The following TRAPPC9 variants were observed in gnomAD, a reference collection of about 807,000 sequenced individuals.
The protein encoded by TRAPPC9 is IKK2 binding protein.
Under a neutral mutation model 124.0 loss-of-function variants are expected in TRAPPC9, and 83 were observed. That is an observed-to-expected ratio of 0.67 (90% CI 0.56 to 0.80). The LOEUF is 0.80. TRAPPC9 is among the 30% of genes least tolerant of loss of function. The pLI, the probability that TRAPPC9 is intolerant of heterozygous loss-of-function variation, is 0.00. For synonymous variants in TRAPPC9, 638 were observed against 617.5 expected (o/e 1.03, Z -0.49); for missense variants, 1,302 against 1,508.3 (o/e 0.86, Z 2.27).
intron 17 of TRAPPC9, among the ~76,000 whole-genome samples, chr8:140,031,016 G>C (rs1840463054): frequency 6.6e-6 from 1 of 152,194 alleles, no homozygotes; most frequent in Non-Finnish European, 1.5e-5. Flanking sequence ...ATTACACTCA[G>C]TAAAGTTGAT....
At position 140,032,827 on chromosome 8, in the gene TRAPPC9, G is replaced by A. The variant is rs547489749; in HGVS notation, c.2557-8748C>T. Among the ~76,000 whole-genome samples, 25 of 152,202 alleles carry A rather than the reference G, an allele frequency of 1.6e-4. 1 individual carries two copies. In the South Asian group the frequency reaches 4.8e-3, roughly 29 times the overall value. On this transcript the variant is annotated intron_variant, in intron 17 of 22. Transcript: ENST00000438773. ...CTACCCAAATGTTCAACTGAAAGTC[G>A]AACCATGTCACATGTTAACAGCCAT...
intron 17 of TRAPPC9, among the ~76,000 whole-genome samples, chr8:140,077,963 A>C (rs536158258): frequency 1.1e-3 from 174 of 152,308 alleles, no homozygotes; most frequent in African/African-American, 3.0e-3. Flanking sequence ...GGAGAACTTT[A>C]TCCTGCATTT....
intron 17 of TRAPPC9, among the ~76,000 whole-genome samples, chr8:140,110,043 T>G (rs1343196573): frequency 6.6e-6 from 1 of 152,062 alleles, no homozygotes; most frequent in Admixed American, 6.5e-5. Context: ...CGCATGCCCC[T>G]GAGCTTCTGG....
chr8:140,069,949 G>A (rs1189489777), intron 17 of TRAPPC9, among the ~76,000 whole-genome samples: 2 of 152,176 alleles, frequency 1.3e-5, no homozygotes, highest in African/African-American at 4.8e-5. Context: ...AAGTGTTCCA[G>A]CTCCAGGAGG....
intron 17 of TRAPPC9, among the ~76,000 whole-genome samples, chr8:140,183,035 A>G (rs1185211643): frequency 1.3e-5 from 2 of 152,184 alleles, no homozygotes; most frequent in East Asian, 1.9e-4. Flanking sequence ...GGGAAAAAAA[A>G]AAAAGATAAG....
intron 18 of TRAPPC9, among the ~76,000 whole-genome samples, chr8:140,000,804 C>T (rs985840199): frequency 2.0e-5 from 3 of 152,144 alleles, no homozygotes; most frequent in African/African-American, 7.2e-5. Context: ...TTAGTTCAAC[C>T]ATTGTGAAAG....
intron 17 of TRAPPC9, among the ~76,000 whole-genome samples, chr8:140,056,212 C>T (rs2132113103): frequency 6.6e-6 from 1 of 151,774 alleles, no homozygotes; most frequent in Non-Finnish European, 1.5e-5. Context: ...AGTTTGAGAC[C>T]AGCATGGGCA....
intron 21 of TRAPPC9, among the ~76,000 whole-genome samples, chr8:139,871,538 C>T (rs1828899632): frequency 6.6e-6 from 1 of 152,208 alleles, no homozygotes; most frequent in African/African-American, 2.4e-5. Context: ...CTATTAGAAC[C>T]TTATATTTCC....
chr8:140,293,729 G>A (rs564731331), intron 11 of TRAPPC9, among the ~76,000 whole-genome samples: 12 of 151,228 alleles, frequency 7.9e-5, no homozygotes, highest in Admixed American at 1.3e-4. Flanking sequence ...GTGGGGAGAC[G>A]GGGGAGGGAT....
intron 21 of TRAPPC9, among the ~76,000 whole-genome samples, chr8:139,862,767 C>T (rs975173413): frequency 5.9e-5 from 9 of 152,234 alleles, no homozygotes; most frequent in Admixed American, 1.3e-4. Context: ...AGGGGAAGCA[C>T]GGTGAGGCCA....
chr8:139,944,386 C>T (rs1219071712), intron 19 of TRAPPC9, among the ~76,000 whole-genome samples: 1 of 151,966 alleles, frequency 6.6e-6, no homozygotes, highest in Non-Finnish European at 1.5e-5. Flanking sequence ...TATCATTATC[C>T]TTGTGTGATT....
chr8:139,933,943 A>G (rs1833358252), intron 19 of TRAPPC9: 4 of 152,194 alleles, frequency 2.6e-5, no homozygotes, highest in African/African-American at 9.7e-5. Flanking sequence ...AAAAGCATCT[A>G]CTATGCTATG....
chr8:140,414,096 A>C (rs2069812615), intron 5 of TRAPPC9, among the ~76,000 whole-genome samples: 1 of 152,194 alleles, frequency 6.6e-6, no homozygotes, highest in African/African-American at 2.4e-5. Context: ...TTCTGGAATA[A>C]GACTGGAGAT....
rs1006873632 is a variant in TRAPPC9 at position 139,910,403 on chromosome 8, A to G, written c.2811-103T>C. 2.1e-5 allele frequency: 24 copies of G among 1,168,582 alleles called. No individual in the cohort carries two copies. The South Asian group carries it at 2.7e-4, about 13-fold the overall frequency. 72.4% of individuals were successfully genotyped at this position (1,168,582 alleles called of 1,614,324 possible). A position where few individuals can be genotyped will look rare whatever the true frequency, so the allele number is the denominator to read the frequency against. ...CCAGCGTGAGACACTATAATGAATC[A>G]TTATCGTTAGTAATTCATAACGGAT... On this transcript the variant is annotated intron_variant, in intron 19 of 22. Transcript: ENST00000438773.
intron 10 of TRAPPC9, among the ~76,000 whole-genome samples, chr8:140,307,805 C>CT (rs1391803383): frequency 6.6e-6 from 1 of 152,224 alleles, no homozygotes; most frequent in African/African-American, 2.4e-5. Flanking sequence ...TGCCCTGTCT[C>CT]CCTTCTTTCT....
Position 140,229,251 on chromosome 8 carries a change from C to CTTT in TRAPPC9, c.2432-7671_2432-7669dup, listed in dbSNP as rs528175891. ...AGTCAATTCCGTATGTTTTCTTTTTCTTTTTTTTTTTTTTTTTTTTTTTTT... is the reference window on the plus strand; with the variant it reads ...AGTCAATTCCGTATGTTTTCTTTTTCTTTTTTTTTTTTTTTTTTTTTTTTTTTT... On this transcript the variant is annotated intron_variant, in intron 16 of 22. Transcript: ENST00000438773. 1.9e-3 allele frequency among the ~76,000 whole-genome samples: 190 copies of CTTT among 99,712 alleles called. 13 individuals are homozygous for CTTT. The highest frequency in any genetic ancestry group is 7.7e-3 in the African/African-American group (167 of 21,646). 65.4% of individuals were successfully genotyped at this position (99,712 alleles called of 152,430 possible).
intron 12 of TRAPPC9, among the ~76,000 whole-genome samples, chr8:140,290,062 C>T (rs1168801452): frequency 6.6e-6 from 1 of 152,166 alleles, no homozygotes; most frequent in Non-Finnish European, 1.5e-5. Flanking sequence ...CTCTCCAGGG[C>T]CAGGCAGACT....
chr8:140,137,615 C>T (rs904057221), intron 17 of TRAPPC9, among the ~76,000 whole-genome samples: 1 of 152,210 alleles, frequency 6.6e-6, no homozygotes, highest in Non-Finnish European at 1.5e-5. Context: ...CCACCCCGCA[C>T]CTGCTGAATC....
chr8:140,162,940 T>C (rs547929384), intron 17 of TRAPPC9, among the ~76,000 whole-genome samples: 1 of 152,096 alleles, frequency 6.6e-6, no homozygotes, highest in Non-Finnish European at 1.5e-5. Context: ...TGTAGTTAGC[T>C]ATAATTGCAC....
Sources: allele counts gnomAD v4.1 joint callset (sites outside exome capture counted in the v4.1 genomes callset), GRCh38; gene constraint gnomAD v4.1.1; transcripts MANE v1.5; gene names NCBI Gene and HGNC (gene_info 2026-07-23, HGNC 2026-07-21).